The following MED1 variants were observed in gnomAD, a reference collection of about 807,000 sequenced individuals.
MED1 encodes mediator complex subunit 1.
Under a neutral mutation model 121.3 loss-of-function variants are expected in MED1, and 17 were observed. That is an observed-to-expected ratio of 0.14 (90% CI 0.10 to 0.21). The LOEUF is 0.21. Among genes scored for constraint, MED1 ranks in the 10% least tolerant of loss-of-function variants. The pLI, the probability that MED1 is intolerant of heterozygous loss-of-function variation, is 1.00. For synonymous variants in MED1, 661 were observed against 694.4 expected (o/e 0.95, Z 0.76); for missense variants, 1,558 against 1,919.4 (o/e 0.81, Z 3.52).
At chr17:39,412,281 T>C (rs1473551872) in intron 16 of MED1, among the ~76,000 whole-genome samples, 1 of 146,460 alleles carries the variant, frequency 6.8e-6, no homozygotes, top group Non-Finnish European at 1.5e-5. Context: ...CAGGCTGGAG[T>C]GCAATGGCGC....
chr17:39,446,179 C>A (rs2048725147), intron 2 of MED1, among the ~76,000 whole-genome samples: 1 of 151,924 alleles, frequency 6.6e-6, no homozygotes, highest in Admixed American at 6.6e-5. Context: ...TGGCTAAGCG[C>A]AGTGGCTACG....
In MED1 at chr17:39,434,337, GAAGAGGGGA is replaced by G; in HGVS notation, c.429-26_429-18del. 2 of 1,371,278 alleles carry G rather than the reference GAAGAGGGGA, an allele frequency of 1.5e-6. No individual in the cohort carries two copies. Among genetic ancestry groups the G allele is most frequent in the Non-Finnish European group, 2.0e-6 (2 of 998,710 alleles). 84.9% of individuals were successfully genotyped at this position (1,371,278 alleles called of 1,614,324 possible). On this transcript the variant is annotated intron_variant, in intron 6 of 16. Transcript: ENST00000300651. ...TTTTTTTCCCTATAAGGAGTTCAGG[GAAGAGGGGA>G]AAGAGAGGAAAATAAAACATAAAAT... is the stretch of plus-strand genomic sequence containing the variant.
At chr17:39,424,835 CTA>C in intron 10 of MED1, 97 bp from the exon 11 acceptor site, 1 of 721,018 alleles carries the variant, frequency 1.4e-6, no homozygotes, top group Non-Finnish European at 2.4e-6. Context: ...TATTTGTCAG[CTA>C]TAATTTATCA....
Position 39,440,092 on chromosome 17 carries a change from GAAAGAAAGAAAGAAAAAAGAAAGA to G in MED1, c.399+270_399+293del, listed in dbSNP as rs2048661167. On this transcript the variant is annotated intron_variant, in intron 5 of 16. Coordinates refer to ENST00000300651, the MANE Select transcript of MED1 (RefSeq NM_004774.4). This position sits in a 1 kb window ranked among gnomAD's most constrained non-coding sequence, Gnocchi z 4.1. ...AAAAAGAAAGCAAGCAAGCAAGCAA[GAAAGAAAGAAAGAAAAAAGAAAGA>G]AAAGAAAGAAAGGAAGGAAGGAAGG... Among the ~76,000 whole-genome samples the G allele has an allele frequency of 1.3e-5, 2 of 149,808 alleles. No individual in the cohort carries two copies. The highest frequency in any genetic ancestry group is 4.9e-5 in the African/African-American group (2 of 40,596).
chr17:39,432,613 G>A (rs2048575814), intron 7 of MED1, among the ~76,000 whole-genome samples: 1 of 151,464 alleles, frequency 6.6e-6, no homozygotes, highest in African/African-American at 2.4e-5. Flanking sequence ...AATTAGCCAG[G>A]CGTGGCAGCA....
intron 14 of MED1, 144 bp downstream of exon 14, chr17:39,419,573 A>G: frequency 1.4e-6 from 1 of 724,864 alleles, no homozygotes; most frequent in South Asian, 1.9e-5. Flanking sequence ...ACGTGCAGCT[A>G]ATTTGCTTGA....
intron 10 of MED1, among the ~76,000 whole-genome samples, chr17:39,425,264 C>T (rs2048504554): frequency 6.6e-6 from 1 of 152,052 alleles, no homozygotes; most frequent in Non-Finnish European, 1.5e-5. Flanking sequence ...GATCTCGACT[C>T]ACTGCAATCT....
In MED1 at chr17:39,406,925, C is replaced by T; in HGVS notation, c.*550G>A. The stretch of plus-strand genomic sequence containing the variant: ...AATAATCTTCCCTCCCCCAGTCACT[C>T]CTAAGAAACAGACACCAAACATTAC... On this transcript the variant is annotated 3_prime_UTR_variant, in exon 17 of 17. Transcript: ENST00000300651. The T allele has an allele frequency of 1.0e-6, 1 of 985,978 alleles. No homozygotes were observed. The highest frequency in any genetic ancestry group is 1.7e-5 in the African/African-American group (1 of 57,322). 61.1% of individuals were successfully genotyped at this position (985,978 alleles called of 1,614,324 possible).
At chr17:39,429,483 G>T (rs982742902) in intron 9 of MED1, among the ~76,000 whole-genome samples, 21 of 151,508 alleles carry the variant, frequency 1.4e-4, no homozygotes, top group African/African-American at 5.1e-4. Flanking sequence ...CTCACCTAGG[G>T]TCAGGAGTTC....
In MED1 at chr17:39,405,605, A is replaced by G; in HGVS notation, c.*1870T>C. 4 of 1,180,960 alleles carry G rather than the reference A, an allele frequency of 3.4e-6. No homozygotes were observed. In the South Asian group the frequency reaches 1.1e-4, roughly 33 times the overall value. The allele number at this position is 1,180,960 out of a possible 1,614,324, so 73.2% of individuals were successfully genotyped here. On this transcript the variant is annotated 3_prime_UTR_variant, in exon 17 of 17. Coordinates refer to ENST00000300651, the MANE Select transcript of MED1 (RefSeq NM_004774.4). Reference sequence around the variant, plus strand: ...AAGCACTCTGGTATCACCTGCCCATATCCTCCTTAGTGTCACCCAAGACAT... The same window carrying G: ...AAGCACTCTGGTATCACCTGCCCATGTCCTCCTTAGTGTCACCCAAGACAT...
At chr17:39,418,110 A>AAAAAAAAC (rs2048427502) in intron 14 of MED1, among the ~76,000 whole-genome samples, 1 of 150,796 alleles carries the variant, frequency 6.6e-6, no homozygotes, top group Non-Finnish European at 1.5e-5. Flanking sequence ...AAAAAAAAAA[A>AAAAAAAAC]TTCATCAGCA....
chr17:39,433,151 C>A (rs1335272244), intron 7 of MED1, among the ~76,000 whole-genome samples: 1 of 151,594 alleles, frequency 6.6e-6, no homozygotes, highest in Non-Finnish European at 1.5e-5. Context: ...TGCAGTGAGC[C>A]GAGATGGCAC....
chr17:39,436,823 C>T (rs1375611961), intron 6 of MED1, among the ~76,000 whole-genome samples: 3 of 151,866 alleles, frequency 2.0e-5, no homozygotes, highest in African/African-American at 7.3e-5. Flanking sequence ...GGCTGGAATG[C>T]AGTGATGTGA....
At chr17:39,431,352 A>C in intron 8 of MED1, 164 bp from the exon 9 acceptor site, 1 of 494,538 alleles carries the variant, frequency 2.0e-6, no homozygotes, top group East Asian at 3.6e-5. Context: ...ATCTCAGCTC[A>C]CCGCAACCTC....
At chr17:39,422,482 T>TG (rs1355414206) in intron 13 of MED1, among the ~76,000 whole-genome samples, 22 of 145,020 alleles carry the variant, frequency 1.5e-4, no homozygotes, top group African/African-American at 5.7e-4. Flanking sequence ...TTTTTTTTTT[T>TG]TTTTTTTTTT....
chr17:39,412,590 G>A (rs1253102660), intron 16 of MED1, among the ~76,000 whole-genome samples: 2 of 148,304 alleles, frequency 1.3e-5, no homozygotes, highest in Non-Finnish European at 3.0e-5. Flanking sequence ...CCAGGCTGGA[G>A]TGCAGTGGCA....
intron 2 of MED1, among the ~76,000 whole-genome samples, chr17:39,447,128 C>T (rs895219062): frequency 6.6e-5 from 10 of 152,086 alleles, no homozygotes; most frequent in Admixed American, 5.9e-4. Context: ...CGGTGGCTCA[C>T]GCCTGTAATC....
At position 39,451,189 on chromosome 17, in the gene MED1, G is replaced by T; in HGVS notation, c.-127C>A. ...CAGCAGTCCCTACTCTTCCCGGGAA[G>T]GATCAATCTGAAGTCCCCGGCGGCA... On this transcript the variant is annotated 5_prime_UTR_variant, in exon 1 of 17. Coordinates refer to ENST00000300651, the MANE Select transcript of MED1 (RefSeq NM_004774.4). 3 of 1,079,364 alleles carry T rather than the reference G, an allele frequency of 2.8e-6. No individual in the cohort carries two copies. The highest frequency in any genetic ancestry group is 4.1e-6 in the Non-Finnish European group (3 of 731,666). 66.9% of individuals were successfully genotyped at this position (1,079,364 alleles called of 1,614,324 possible).
At chr17:39,413,328 T>G (rs1296418473) in intron 16 of MED1, among the ~76,000 whole-genome samples, 1 of 152,176 alleles carries the variant, frequency 6.6e-6, no homozygotes, top group Non-Finnish European at 1.5e-5. Context: ...AGTGGCGCAA[T>G]CTTGGCTCAC....
Sources: allele counts gnomAD v4.1 joint callset (sites outside exome capture counted in the v4.1 genomes callset), GRCh38; gene constraint gnomAD v4.1.1; non-coding constraint Gnocchi (gnomAD v3.1); transcripts MANE v1.5; gene names NCBI Gene and HGNC (gene_info 2026-07-23, HGNC 2026-07-21).